ZNF385D: variants seen among roughly 807,000 people sequenced by gnomAD.
ZNF385D encodes zinc finger protein 385D.
Under a neutral mutation model 35.8 loss-of-function variants are expected in ZNF385D, and 15 were observed. The observed-to-expected ratio is 0.42, with a 90% CI of 0.28 to 0.64. The LOEUF is 0.64. Among genes scored for constraint, ZNF385D ranks in the 30% least tolerant of loss-of-function variants. The pLI, the probability that ZNF385D is intolerant of heterozygous loss-of-function variation, is 0.23. For missense variants in ZNF385D, 474 were observed against 494.6 expected, an observed-to-expected ratio of 0.96 and a Z score of 0.39; for synonymous variants, 212 against 186.8, an observed-to-expected ratio of 1.13 and a Z score of -1.10.
chr3:21,863,008 A>G (rs1697141189), intron 3 of ZNF385D, among the ~76,000 whole-genome samples: 1 of 152,174 alleles, frequency 6.6e-6, no homozygotes, highest in Non-Finnish European at 1.5e-5. Context: ...TTGTGTACAA[A>G]TATGTGAAAA....
chr3:22,087,307 A>C (rs562806400), intron 3 of ZNF385D, among the ~76,000 whole-genome samples: 9 of 152,128 alleles, frequency 5.9e-5, no homozygotes, highest in African/African-American at 2.2e-4. Flanking sequence ...CATTTCCTCT[A>C]AGCCTTTTAT....
intron 3 of ZNF385D, among the ~76,000 whole-genome samples, chr3:21,758,996 A>AACAAAC (rs1247639243): frequency 1.1e-4 from 16 of 148,438 alleles, no homozygotes; most frequent in African/African-American, 4.0e-4. Flanking sequence ...AAAAAAAAAA[A>AACAAAC]AAAAAAAAAA....
At chr3:22,303,268 G>T (rs1377173384) in intron 2 of ZNF385D, among the ~76,000 whole-genome samples, 1 of 152,098 alleles carries the variant, frequency 6.6e-6, no homozygotes, top group African/African-American at 2.4e-5. Flanking sequence ...ACAGTAAACT[G>T]GTTTACCCCA....
chr3:21,621,756 T>C (rs930433361), intron 2 of ZNF385D, among the ~76,000 whole-genome samples: 10 of 152,046 alleles, frequency 6.6e-5, no homozygotes, highest in East Asian at 1.9e-4. Context: ...TCTTCTGAGA[T>C]ACTCAAGCAC....
At chr3:22,150,579 GAAGAT>G (rs1705161079) in intron 3 of ZNF385D, among the ~76,000 whole-genome samples, 2 of 152,042 alleles carry the variant, frequency 1.3e-5, no homozygotes, top group Non-Finnish European at 2.9e-5. Context: ...GCACTAAAAA[GAAGAT>G]AAATATTTCT....
chr3:22,129,354 G>A (rs75501080), intron 3 of ZNF385D, among the ~76,000 whole-genome samples: 2,760 of 152,196 alleles, frequency 0.018, 100 homozygotes, highest in African/African-American at 0.062. Context: ...TTTGTTCAAG[G>A]CCCAAGGCCT....
intron 2 of ZNF385D, among the ~76,000 whole-genome samples, chr3:22,185,861 G>C (rs1451001793): frequency 2.0e-5 from 3 of 152,286 alleles, no homozygotes; most frequent in South Asian, 4.1e-4. Context: ...GCAGATAAAG[G>C]GATGTTATTG....
chr3:21,750,073 G>A (rs1374246384), intron 1 of ZNF385D, among the ~76,000 whole-genome samples: 1 of 152,210 alleles, frequency 6.6e-6, no homozygotes, highest in Non-Finnish European at 1.5e-5. Flanking sequence ...CTTCAGAGAG[G>A]AGGAACAAAT....
rs534028788 is a variant in ZNF385D, at chr3:21,649,679, G to A, written c.165+15207C>T. Among the ~76,000 whole-genome samples the A allele has an allele frequency of 3.1e-3, 471 of 151,986 alleles. 1 individual carries two copies. Among genetic ancestry groups the A allele is most frequent in the African/African-American group, 0.01 (423 of 41,460 alleles). On this transcript the variant is annotated intron_variant, in intron 2 of 7. Coordinates refer to ENST00000281523, the MANE Select transcript of ZNF385D (RefSeq NM_024697.3). The stretch of plus-strand genomic sequence containing the variant: ...ATTAATTTATATTGAATGCAAAACC[G>A]GATATAATTATTTTATCATAAATGC...
At chr3:22,246,708 T>G (rs570379297) in intron 2 of ZNF385D, among the ~76,000 whole-genome samples, 1 of 152,108 alleles carries the variant, frequency 6.6e-6, no homozygotes, top group Non-Finnish European at 1.5e-5. Context: ...TTATTGCATT[T>G]TTTATTCTTA....
At chr3:21,455,182 T>G (rs1047599389) in intron 4 of ZNF385D, among the ~76,000 whole-genome samples, 1 of 152,196 alleles carries the variant, frequency 6.6e-6, no homozygotes, top group Non-Finnish European at 1.5e-5. Flanking sequence ...ATAGATTCAA[T>G]GCCATCCCCA....
intron 3 of ZNF385D, among the ~76,000 whole-genome samples, chr3:21,858,363 C>T (rs992249286): frequency 2.0e-5 from 3 of 151,930 alleles, no homozygotes; most frequent in Non-Finnish European, 4.4e-5. Flanking sequence ...TTCAAAGGTT[C>T]ACATGTGCTA....
chr3:22,159,368 A>G (rs1036714740), intron 3 of ZNF385D, among the ~76,000 whole-genome samples: 6 of 152,080 alleles, frequency 3.9e-5, no homozygotes, highest in African/African-American at 1.4e-4. Flanking sequence ...CTAGCTCTTC[A>G]AAACAATGGT....
At chr3:21,933,083 C>T (rs1701093889) in intron 3 of ZNF385D, among the ~76,000 whole-genome samples, 1 of 152,170 alleles carries the variant, frequency 6.6e-6, no homozygotes, top group Admixed American at 6.5e-5. Flanking sequence ...GGGCAGCTTC[C>T]TGTGCCATTT....
intron 3 of ZNF385D, among the ~76,000 whole-genome samples, chr3:21,777,073 A>G (rs951143701): frequency 3.3e-5 from 5 of 151,992 alleles, no homozygotes; most frequent in Admixed American, 6.6e-5. Flanking sequence ...CGTGTTGCCA[A>G]TAATGTCTGT....
intron 3 of ZNF385D, among the ~76,000 whole-genome samples, chr3:22,156,586 A>T (rs868000293): frequency 6.6e-6 from 1 of 152,222 alleles, no homozygotes; most frequent in South Asian, 2.1e-4. Context: ...TGGGCTGGCA[A>T]TTAGTTTTCC....
At chr3:21,878,489 G>A (rs531417395) in intron 3 of ZNF385D, among the ~76,000 whole-genome samples, 3 of 151,958 alleles carry the variant, frequency 2.0e-5, no homozygotes, top group South Asian at 2.1e-4. Flanking sequence ...TGTATCATAC[G>A]TTGAAAATCT....
chr3:22,245,083 T>C (rs1347622472), intron 2 of ZNF385D, among the ~76,000 whole-genome samples: 3 of 152,158 alleles, frequency 2.0e-5, no homozygotes, highest in Non-Finnish European at 4.4e-5. Flanking sequence ...CTTCATTCAA[T>C]GGCAGACTAG....
At chr3:21,819,422 G>A in intron 3 of ZNF385D, among the ~76,000 whole-genome samples, 1 of 150,978 alleles carries the variant, frequency 6.6e-6, no homozygotes, top group East Asian at 1.9e-4. Context: ...CGGTGAGAAA[G>A]TACATACCAC....
Sources: allele counts gnomAD v4.1 joint callset (sites outside exome capture counted in the v4.1 genomes callset), GRCh38; gene constraint gnomAD v4.1.1; transcripts MANE v1.5; gene names NCBI Gene and HGNC (gene_info 2026-07-23, HGNC 2026-07-21).